FRMD5: variants seen among roughly 807,000 people sequenced by gnomAD.
FRMD5 encodes the protein FERM domain containing 5, also known as FERM domain-containing protein 5.
FRMD5 carries 20 observed loss-of-function variants against 69.0 expected under a neutral mutation model. The observed-to-expected ratio is 0.29, with a 90% confidence interval of 0.20 to 0.42. FRMD5 has a LOEUF of 0.42. Among genes scored for constraint, FRMD5 ranks in the 10% least tolerant of loss-of-function variants. The probability of loss-of-function intolerance (pLI) is 1.00; values close to 1 mark genes in which losing one functional copy is unlikely to be tolerated. For missense variants in FRMD5, 595 were observed against 708.6 expected, an observed-to-expected ratio of 0.84 and a Z score of 1.82; for synonymous variants, 271 against 260.1, an observed-to-expected ratio of 1.04 and a Z score of -0.40.
intron 1 of FRMD5, among the ~76,000 whole-genome samples, chr15:43,983,707 T>C (rs1566878979): frequency 6.6e-6 from 1 of 152,184 alleles, no homozygotes; most frequent in African/African-American, 2.4e-5. Context: ...CGTTGACCAC[T>C]TGGGGTCTCA....
At position 44,056,358 on chromosome 15, in the gene FRMD5, T is replaced by C. The variant is rs557514147; in HGVS notation, c.103-132049A>G. 8.2e-4 allele frequency among the ~76,000 whole-genome samples: 125 copies of C among 152,270 alleles called. 1 individual carries two copies. Among genetic ancestry groups the C allele is most frequent in the Middle Eastern group, 3.4e-3 (1 of 294 alleles). On this transcript the variant is annotated intron_variant, in intron 1 of 13. Transcript: ENST00000417257. ...GGGCAAATACAGTGAAAATAAACTC[T>C]AAATAGCCAGAGCAGCAGAAATCTC...
intron 1 of FRMD5, among the ~76,000 whole-genome samples, chr15:43,996,002 C>T (rs927976816): frequency 3.3e-5 from 5 of 150,976 alleles, no homozygotes; most frequent in Non-Finnish European, 7.4e-5. Context: ...GGTGGGGTCA[C>T]GAGGATCAGC....
At chr15:44,053,402 C>T (rs758979439) in intron 1 of FRMD5, among the ~76,000 whole-genome samples, 118 of 152,062 alleles carry the variant, frequency 7.8e-4, no homozygotes, top group Middle Eastern at 3.4e-3. Flanking sequence ...TTGCAAGGAT[C>T]GTTCTGGTTG....
intron 1 of FRMD5, among the ~76,000 whole-genome samples, chr15:44,011,058 C>T (rs1374128562): frequency 6.6e-6 from 1 of 152,034 alleles, no homozygotes; most frequent in Non-Finnish European, 1.5e-5. Context: ...AGAGACAGAA[C>T]ATTTGGCTAG....
chr15:43,966,387 C>CA (rs35212205), intron 1 of FRMD5, among the ~76,000 whole-genome samples: 1,688 of 151,844 alleles, frequency 0.011, 28 homozygotes, highest in African/African-American at 0.038. Flanking sequence ...AAAAACAAAA[C>CA]AAACAAACAA....
chr15:44,029,522 G>A (rs1413812270), intron 1 of FRMD5, among the ~76,000 whole-genome samples: 1 of 152,178 alleles, frequency 6.6e-6, no homozygotes, highest in Non-Finnish European at 1.5e-5. Context: ...TAGTGGCTAG[G>A]ATTAGTAAAC....
At chr15:43,935,717 G>A (rs552317035) in intron 1 of FRMD5, among the ~76,000 whole-genome samples, 7 of 152,262 alleles carry the variant, frequency 4.6e-5, no homozygotes, top group African/African-American at 1.7e-4. Context: ...GGGGAGGCAG[G>A]AACCTTGAGC....
intron 1 of FRMD5, among the ~76,000 whole-genome samples, chr15:44,050,442 C>G (rs562384109): frequency 2.0e-5 from 3 of 151,756 alleles, no homozygotes; most frequent in Admixed American, 6.6e-5. Context: ...TCACTGCAGC[C>G]TTAACCTCCT....
intron 1 of FRMD5, among the ~76,000 whole-genome samples, chr15:44,037,978 T>C (rs1891998502): frequency 6.6e-6 from 1 of 152,216 alleles, no homozygotes; most frequent in Non-Finnish European, 1.5e-5. Flanking sequence ...CCTGGCTTTT[T>C]AGTGATTGCC....
At chr15:44,108,239 T>C (rs765800395) in intron 1 of FRMD5, among the ~76,000 whole-genome samples, 1 of 152,160 alleles carries the variant, frequency 6.6e-6, no homozygotes, top group East Asian at 1.9e-4. Context: ...GGTGCAGTGG[T>C]GCACACCTGT....
At chr15:43,966,952 C>T (rs540638362) in intron 1 of FRMD5, among the ~76,000 whole-genome samples, 1 of 151,964 alleles carries the variant, frequency 6.6e-6, no homozygotes, top group African/African-American at 2.4e-5. Context: ...ATAGGAGCAT[C>T]CCAGAAACAG....
intron 1 of FRMD5, among the ~76,000 whole-genome samples, chr15:43,950,665 C>T (rs11635039): frequency 0.12 from 17,937 of 152,164 alleles, 1,752 homozygotes; most frequent in African/African-American, 0.26. Context: ...AGAGTGAGCT[C>T]AGCTTGGGAC....
chr15:44,185,868 C>G (rs2078091999), intron 1 of FRMD5, among the ~76,000 whole-genome samples: 1 of 151,606 alleles, frequency 6.6e-6, no homozygotes, highest in Non-Finnish European at 1.5e-5. Context: ...CTTAAATTAC[C>G]TCTGGAAGTA....
intron 5 of FRMD5, among the ~76,000 whole-genome samples, chr15:43,908,225 G>A (rs1317735280): frequency 2.0e-5 from 3 of 151,808 alleles, no homozygotes; most frequent in African/African-American, 7.3e-5. Context: ...CTACTTGGGA[G>A]GCTGAGGTGG....
At chr15:44,174,045 T>A (rs1300714010) in intron 1 of FRMD5, among the ~76,000 whole-genome samples, 1 of 152,078 alleles carries the variant, frequency 6.6e-6, no homozygotes, top group African/African-American at 2.4e-5. Context: ...ACCTCAAGTT[T>A]CCTGAGTTCA....
At chr15:44,001,079 C>G (rs933373207) in intron 1 of FRMD5, among the ~76,000 whole-genome samples, 1 of 152,264 alleles carries the variant, frequency 6.6e-6, no homozygotes, top group East Asian at 1.9e-4. Flanking sequence ...TATCTTTTGT[C>G]TTTCTTATAA....
intron 1 of FRMD5, among the ~76,000 whole-genome samples, chr15:43,999,944 T>TGC (rs58049479): frequency 8.1e-6 from 1 of 123,616 alleles, no homozygotes; most frequent in Non-Finnish European, 1.6e-5. Flanking sequence ...TATATATATA[T>TGC]ATGCCATGCA....
At chr15:43,951,017 T>G (rs1233204642) in intron 1 of FRMD5, among the ~76,000 whole-genome samples, 2 of 152,196 alleles carry the variant, frequency 1.3e-5, no homozygotes, top group African/African-American at 4.8e-5. Context: ...AGTCAGAAGA[T>G]CTACAGAGGA....
intron 1 of FRMD5, among the ~76,000 whole-genome samples, chr15:44,145,979 T>C (rs769391091): frequency 6.6e-6 from 1 of 152,358 alleles, no homozygotes; most frequent in South Asian, 2.1e-4. Context: ...TTTTGCATAC[T>C]GAGAATGGAA....
Sources: gnomAD v4.1 joint callset for allele counts (sites outside exome capture counted in the v4.1 genomes callset) on GRCh38, gnomAD v4.1.1 for gene constraint, MANE v1.5 for transcripts, NCBI Gene and HGNC (gene_info 2026-07-23, HGNC 2026-07-21) for gene names.